Variants in AXDND1 observed in about 807,000 individuals in gnomAD.
AXDND1 encodes the protein axonemal dynein light chain domain-containing protein 1.
AXDND1 carries 110 observed loss-of-function variants against 137.5 expected under a neutral mutation model. That is an observed-to-expected ratio of 0.80 (90% CI 0.69 to 0.94). AXDND1 has a LOEUF of 0.94. Among genes scored for constraint, AXDND1 ranks in the 40% least tolerant of loss-of-function variants. The pLI, the probability that AXDND1 is intolerant of heterozygous loss-of-function variation, is 0.00. For missense variants in AXDND1, 1,191 were observed against 1,169.8 expected (o/e 1.02, Z -0.26); for synonymous variants, 414 against 399.7 (o/e 1.04, Z -0.43).
At position 179,552,596 on chromosome 1, in the gene AXDND1, T is replaced by C. The variant is rs115778946; in HGVS notation, c.3032-1916T>C. ...GGGCAGTCTGGGTGGGAGGATGGAG[T>C]GCTCACCCGCACTTTGGCTTGTCTT... On this transcript the variant is annotated intron_variant, in intron 25 of 25. Transcript: ENST00000367618. The C allele has an allele frequency of 0.039, 63,337 of 1,611,690 alleles. 1,524 individuals carry two copies. Among genetic ancestry groups the C allele is most frequent in the Middle Eastern group, 0.049 (297 of 6,024 alleles).
chr1:179,482,909 C>T (rs1250530270), intron 17 of AXDND1, among the ~76,000 whole-genome samples: 1 of 150,852 alleles, frequency 6.6e-6, no homozygotes, highest in Non-Finnish European at 1.5e-5. Flanking sequence ...GTCCAAAGTG[C>T]ATCTTGCTAC....
In AXDND1 at chr1:179,483,730, G is replaced by T. The variant is rs771569383; in HGVS notation, c.2091+509G>T. ...CTAGAATTTAATTTTTATAGTGTGG[G>T]ATTACTTAGAAAGTGCCTTTATATA... is the stretch of plus-strand genomic sequence containing the variant. On this transcript the variant is annotated intron_variant, in intron 18 of 25. Transcript: ENST00000367618. Among the ~76,000 whole-genome samples, 41 of 152,080 alleles carry T rather than the reference G, an allele frequency of 2.7e-4. 1 individual carries two copies.
At chr1:179,367,031 C>G (rs1238310251) in intron 2 of AXDND1, among the ~76,000 whole-genome samples, 1 of 151,346 alleles carries the variant, frequency 6.6e-6, no homozygotes, top group Admixed American at 6.6e-5. Context: ...ACCAGCCTGG[C>G]CAAATATGAT....
chr1:179,413,473 C>T (rs1654202175), intron 12 of AXDND1, among the ~76,000 whole-genome samples: 2 of 152,148 alleles, frequency 1.3e-5, no homozygotes, highest in African/African-American at 4.8e-5. Context: ...TGTTTAGTTC[C>T]CACTTACAAG....
intron 20 of AXDND1, among the ~76,000 whole-genome samples, chr1:179,507,170 A>G (rs896354805): frequency 1.3e-5 from 2 of 152,204 alleles, no homozygotes; most frequent in Non-Finnish European, 2.9e-5. Flanking sequence ...ATTAGAATCA[A>G]TTAAGAATAT....
chr1:179,429,690 C>T, intron 13 of AXDND1, 71 bp downstream of exon 13: 2 of 801,858 alleles, frequency 2.5e-6, no homozygotes, highest in South Asian at 2.6e-5. Flanking sequence ...TGTAAGATGC[C>T]TTTGTTAAAT....
intron 12 of AXDND1, among the ~76,000 whole-genome samples, chr1:179,425,278 T>C (rs1656384059): frequency 6.6e-6 from 1 of 152,226 alleles, no homozygotes; most frequent in Non-Finnish European, 1.5e-5. Flanking sequence ...ATTGAAGTGC[T>C]ACCCTTCCTA....
In AXDND1 at chr1:179,368,913, G is replaced by A. The variant is rs142839599; in HGVS notation, c.211G>A (p.Ala71Thr). The change falls in exon 3 of 26, where the codon GCC becomes ACC. Residue 71 changes from alanine to threonine, a missense_variant. Ala to Thr is a moderately conservative substitution (Grantham distance 58). Transcript: ENST00000367618. ...KEVLLSLTYA[A>T]NAGPCPENLL... Reference sequence around the variant, plus strand: ...AGTTCTTCTTTCTCTGACCTATGCGGCCAATGCTGGTCCTTGTCCTGAAAA... The same window carrying A: ...AGTTCTTCTTTCTCTGACCTATGCGACCAATGCTGGTCCTTGTCCTGAAAA... 6.8e-5 allele frequency: 110 copies of A among 1,613,944 alleles called. No homozygotes were observed. In the African/African-American group the frequency reaches 1.1e-3, roughly 16 times the overall value.
chr1:179,444,914 T>C, intron 15 of AXDND1, 56 bp from the exon 16 acceptor site: 2 of 1,272,030 alleles, frequency 1.6e-6, no homozygotes, highest in East Asian at 2.3e-5. Context: ...CTGGTAGACT[T>C]TGATAAACTC....
intron 4 of AXDND1, among the ~76,000 whole-genome samples, chr1:179,374,514 A>G (rs1367977197): frequency 6.6e-6 from 1 of 152,164 alleles, no homozygotes; most frequent in Non-Finnish European, 1.5e-5. Context: ...TACTATAAAG[A>G]CACATGCACA....
chr1:179,528,813 A>G (rs981651466), intron 23 of AXDND1, among the ~76,000 whole-genome samples: 1 of 151,766 alleles, frequency 6.6e-6, no homozygotes, highest in Admixed American at 6.6e-5. Context: ...GCTGGTCTCA[A>G]TCTCCCGACC....
At chr1:179,504,594 AG>A (rs1307848689) in intron 20 of AXDND1, among the ~76,000 whole-genome samples, 1 of 152,222 alleles carries the variant, frequency 6.6e-6, no homozygotes, top group African/African-American at 2.4e-5. Context: ...AGGGAACTTC[AG>A]GGTTCAGGAA....
chr1:179,478,604 T>C (rs1664924207), intron 17 of AXDND1, among the ~76,000 whole-genome samples: 1 of 152,200 alleles, frequency 6.6e-6, no homozygotes, highest in African/African-American at 2.4e-5. Flanking sequence ...TTCAGGCCTG[T>C]GATAGGAGAG....
intron 23 of AXDND1, among the ~76,000 whole-genome samples, chr1:179,532,554 T>G (rs1671130936): frequency 6.6e-6 from 1 of 152,106 alleles, no homozygotes; most frequent in East Asian, 1.9e-4. Context: ...GAAAAATATG[T>G]GACAGAGAAA....
At chr1:179,475,820 C>G (rs892328572) in intron 17 of AXDND1, among the ~76,000 whole-genome samples, 1 of 152,152 alleles carries the variant, frequency 6.6e-6, no homozygotes, top group African/African-American at 2.4e-5. Flanking sequence ...TGCTTTGGCT[C>G]TGTTTCCCTA....
chr1:179,497,858 A>C (rs1336482340), intron 20 of AXDND1, among the ~76,000 whole-genome samples: 12 of 152,144 alleles, frequency 7.9e-5, no homozygotes, highest in Admixed American at 7.9e-4. Context: ...ATTTCTATAC[A>C]CCAATAATGT....
intron 12 of AXDND1, among the ~76,000 whole-genome samples, chr1:179,414,932 A>C (rs1299347608): frequency 6.6e-6 from 1 of 151,298 alleles, no homozygotes; most frequent in Non-Finnish European, 1.5e-5. Flanking sequence ...AAAATGTGTT[A>C]CTTGGTTAGA....
At chr1:179,537,452 A>G (rs1271085601) in intron 25 of AXDND1, among the ~76,000 whole-genome samples, 2 of 152,152 alleles carry the variant, frequency 1.3e-5, no homozygotes, top group African/African-American at 2.4e-5. Flanking sequence ...TGAGATAATC[A>G]TGTGGTTTTT....
rs758416612 is a variant in AXDND1 at position 179,368,819 on chromosome 1, G to GA, written c.125dup (p.Asn42LysfsTer16). Reference sequence around the variant, plus strand: ...ACTTAGGACTTCCTGAGCTAAAGGAGAAAAAAAATATGGTGGATCGTTCAA... The same window carrying GA: ...ACTTAGGACTTCCTGAGCTAAAGGAGAAAAAAAAATATGGTGGATCGTTCAA... On this transcript the variant is annotated frameshift_variant, in exon 3 of 26. Coordinates refer to ENST00000367618, the MANE Select transcript of AXDND1 (RefSeq NM_144696.6). LOFTEE classifies it high-confidence loss of function. 1,264 of 1,610,728 alleles carry GA rather than the reference G, an allele frequency of 7.8e-4. No individual in the cohort carries two copies. Among genetic ancestry groups the GA allele is most frequent in the Non-Finnish European group, 9.7e-4 (1,141 of 1,178,678 alleles).
Sources: allele counts gnomAD v4.1 joint callset (sites outside exome capture counted in the v4.1 genomes callset), GRCh38; gene constraint gnomAD v4.1.1; transcripts MANE v1.5; gene names NCBI Gene and HGNC (gene_info 2026-07-23, HGNC 2026-07-21).